Variants in NFASC observed in about 807,000 individuals in gnomAD.
The protein encoded by NFASC is neurofascin homolog.
A neutral mutation model predicts 147.5 loss-of-function variants in NFASC; 43 were observed. The observed-to-expected ratio is 0.29, with a 90% CI of 0.23 to 0.38. The LOEUF (loss-of-function observed/expected upper bound fraction) is 0.38, where lower values mean the gene tolerates loss of function less well. Among genes scored for constraint, NFASC ranks in the 10% least tolerant of loss-of-function variants. The probability of loss-of-function intolerance (pLI) is 1.00; values close to 1 mark genes in which losing one functional copy is unlikely to be tolerated. For missense variants in NFASC, 1,320 were observed against 1,689.0 expected, an observed-to-expected ratio of 0.78 and a Z score of 3.83; for synonymous variants, 622 against 665.5, an observed-to-expected ratio of 0.93 and a Z score of 1.01.
At chr1:204,847,455 C>T (rs2075281124) in intron 1 of NFASC, among the ~76,000 whole-genome samples, 1 of 152,192 alleles carries the variant, frequency 6.6e-6, no homozygotes, top group Non-Finnish European at 1.5e-5. Flanking sequence ...CCATGCCCCT[C>T]CACCTGCCTA....
chr1:204,871,484 A>C (rs1407530258), intron 1 of NFASC, among the ~76,000 whole-genome samples: 1 of 152,154 alleles, frequency 6.6e-6, no homozygotes, highest in Non-Finnish European at 1.5e-5. Context: ...TGTGCGTCTA[A>C]TTGTGAAGCC....
chr1:204,905,639 C>A (rs1299197419), intron 1 of NFASC, among the ~76,000 whole-genome samples: 1 of 152,062 alleles, frequency 6.6e-6, no homozygotes, highest in Non-Finnish European at 1.5e-5. Flanking sequence ...ATTTTGACTT[C>A]TATGTAATAT....
Position 205,009,551 on chromosome 1 carries a change from C to T in NFASC, c.3290-6C>T, listed in dbSNP as rs377485532. The T allele has an allele frequency of 1.6e-4, 266 of 1,613,860 alleles. No homozygotes were observed. Among genetic ancestry groups the T allele is most frequent in the Non-Finnish European group, 2.0e-4 (239 of 1,179,914 alleles). Reference sequence around the variant, plus strand: ...TCACGGGTTTGCTTCCGGCCCTCCCCGCCAGCTTACACCAACAACCAAGCG... The same window carrying T: ...TCACGGGTTTGCTTCCGGCCCTCCCTGCCAGCTTACACCAACAACCAAGCG... On this transcript the variant is annotated splice_polypyrimidine_tract_variant and splice_region_variant and intron_variant, in intron 27 of 29. Coordinates refer to ENST00000339876, the MANE Select transcript of NFASC (RefSeq NM_001005388.3).
At chr1:205,002,091 C>T (rs1450067842) in intron 26 of NFASC, among the ~76,000 whole-genome samples, 1 of 152,192 alleles carries the variant, frequency 6.6e-6, no homozygotes, top group African/African-American at 2.4e-5. Flanking sequence ...ACCCTACAGC[C>T]TACATGCACA....
chr1:204,905,216 C>CA (rs1167797925), intron 1 of NFASC, among the ~76,000 whole-genome samples: 1 of 152,178 alleles, frequency 6.6e-6, no homozygotes, highest in Non-Finnish European at 1.5e-5. Flanking sequence ...TCCTGAGTAG[C>CA]AGGGACTGCA....
chr1:204,871,061 C>T, intron 1 of NFASC: 1 of 1,289,844 alleles, frequency 7.8e-7, no homozygotes, highest in Non-Finnish European at 1.0e-6. Flanking sequence ...ATGGCTCCTT[C>T]AGGAGAGAGG....
chr1:204,854,224 C>T (rs1234677471), intron 1 of NFASC, among the ~76,000 whole-genome samples: 1 of 152,092 alleles, frequency 6.6e-6, no homozygotes, highest in Non-Finnish European at 1.5e-5. Context: ...GAGTTGGGGG[C>T]TGTGTGGGAG....
chr1:204,887,586 C>CTTT (rs200468415), intron 1 of NFASC, among the ~76,000 whole-genome samples: 1,283 of 42,348 alleles, frequency 0.03, 356 homozygotes, highest in East Asian at 0.086. Context: ...GCCTGATTGG[C>CTTT]TTTTTTTTTT....
intron 29 of NFASC, among the ~76,000 whole-genome samples, chr1:205,014,286 C>T (rs1410740816): frequency 6.6e-6 from 1 of 152,224 alleles, no homozygotes; most frequent in African/African-American, 2.4e-5. Flanking sequence ...GGCCTGCACC[C>T]CTACACGCAC....
At chr1:204,937,922 C>G (rs780722544) in intron 2 of NFASC, among the ~76,000 whole-genome samples, 1 of 152,194 alleles carries the variant, frequency 6.6e-6, no homozygotes, top group Non-Finnish European at 1.5e-5. Flanking sequence ...GCCATCCAGT[C>G]GGCTATGTGA....
rs140357522 is a variant in NFASC at position 204,954,350 on chromosome 1, G to A, written c.378G>A (p.Thr126=). 209 of 1,614,170 alleles carry A rather than the reference G, an allele frequency of 1.3e-4. No homozygotes were observed. Among genetic ancestry groups the A allele is most frequent in the South Asian group, 1.8e-4 (16 of 91,078 alleles). Residue 126 remains threonine, a synonymous_variant, in exon 6 of 30, where the codon ACG becomes ACA. Coordinates refer to ENST00000339876, the MANE Select transcript of NFASC (RefSeq NM_001005388.3). The surrounding 1 kb of genome is among the most constrained non-coding windows in gnomAD (Gnocchi z 5.7). Reference sequence around the variant, plus strand: ...GCTTCGCCCGCAACAAATTTGGCACGGCCCTGTCCAATAGGATCCGCCTGC... The same window carrying A: ...GCTTCGCCCGCAACAAATTTGGCACAGCCCTGTCCAATAGGATCCGCCTGC... The part of the protein sequence containing the change: ...YQCFARNKFG[T]ALSNRIRLQV...
intron 11 of NFASC, among the ~76,000 whole-genome samples, 160 bp from the exon 12 acceptor site, chr1:204,973,116 C>G (rs560030525): frequency 5.9e-5 from 9 of 152,374 alleles, no homozygotes; most frequent in Non-Finnish European, 1.2e-4. Flanking sequence ...AGGTCACACA[C>G]AGCCCAGCAG....
At position 204,920,760 on chromosome 1, in the gene NFASC, G is replaced by C. The variant is rs1281499897; in HGVS notation, c.-91+20G>C. On this transcript the variant is annotated intron_variant, in intron 2 of 29. Coordinates refer to ENST00000339876, the MANE Select transcript of NFASC (RefSeq NM_001005388.3). The stretch of plus-strand genomic sequence containing the variant: ...GAGAAGGTAAGCAGGACTTGGGCCT[G>C]GGGTATGTGTCATTGGAGGGGTGAG... The C allele has an allele frequency of 8.4e-7, 1 of 1,186,186 alleles. No individual in the cohort carries two copies. The highest frequency in any genetic ancestry group is 1.3e-5 in the South Asian group (1 of 78,890). The allele number at this position is 1,186,186 out of a possible 1,614,324, so 73.5% of individuals were successfully genotyped here.
chr1:205,011,642 G>A (rs2096255345), intron 28 of NFASC, among the ~76,000 whole-genome samples: 1 of 152,194 alleles, frequency 6.6e-6, no homozygotes, highest in South Asian at 2.1e-4. Context: ...AAAGATGAGT[G>A]AACCAGGAGC....
At chr1:204,962,311 G>A (rs1457240241) in intron 8 of NFASC, among the ~76,000 whole-genome samples, 3 of 152,244 alleles carry the variant, frequency 2.0e-5, no homozygotes, top group Admixed American at 6.5e-5. Context: ...CTGCCAGGAG[G>A]CAGTGTGGGG....
Position 205,019,299 on chromosome 1 carries a change from C to T in NFASC, c.*2760C>T, listed in dbSNP as rs2096384203. 6.6e-6 allele frequency: 1 copy of T among 152,266 alleles called. No individual in the cohort carries two copies. The highest frequency in any genetic ancestry group is 1.9e-4 in the East Asian group (1 of 5,188). The allele number at this position is 152,266 out of a possible 1,614,324, so 9.4% of individuals were successfully genotyped here. A position where few individuals can be genotyped will look rare whatever the true frequency, so the allele number is the denominator to read the frequency against. ...CAGCTGGGTCTCCCAAGCAACTACCCCAAGACATACCAACAGTGAAGCCAG... is the reference window on the plus strand; with the variant it reads ...CAGCTGGGTCTCCCAAGCAACTACCTCAAGACATACCAACAGTGAAGCCAG... On this transcript the variant is annotated 3_prime_UTR_variant, in exon 30 of 30. Coordinates refer to ENST00000339876, the MANE Select transcript of NFASC (RefSeq NM_001005388.3).
chr1:204,873,641 G>A (rs534752695), intron 1 of NFASC, among the ~76,000 whole-genome samples: 42 of 152,174 alleles, frequency 2.8e-4, no homozygotes, highest in African/African-American at 1.0e-3. Flanking sequence ...AAGCATCTGC[G>A]GGTCATGTGT....
chr1:204,878,133 GA>G lies in NFASC; in HGVS notation c.-199-42493del, dbSNP rs577280850. On this transcript the variant is annotated intron_variant, in intron 1 of 29. Coordinates refer to ENST00000339876, the MANE Select transcript of NFASC (RefSeq NM_001005388.3). ...AACAGAACATCTTTGTTTCCTCAAGGAAAAAAGACTAAATTTTATCAAACAT... is the reference window on the plus strand; with the variant it reads ...AACAGAACATCTTTGTTTCCTCAAGGAAAAAGACTAAATTTTATCAAACAT... Among the ~76,000 whole-genome samples, 370 of 152,200 alleles carry G rather than the reference GA, an allele frequency of 2.4e-3. 1 individual carries two copies. Among genetic ancestry groups the G allele is most frequent in the African/African-American group, 8.3e-3 (344 of 41,544 alleles).
chr1:204,859,058 G>A (rs1182962287), intron 1 of NFASC, among the ~76,000 whole-genome samples: 5 of 150,726 alleles, frequency 3.3e-5, no homozygotes, highest in African/African-American at 1.2e-4. Flanking sequence ...GCTCACTGCA[G>A]CCTCTGCCTC....
Sources: allele counts gnomAD v4.1 joint callset (sites outside exome capture counted in the v4.1 genomes callset), GRCh38; gene constraint gnomAD v4.1.1; non-coding constraint Gnocchi (gnomAD v3.1); transcripts MANE v1.5; gene names NCBI Gene and HGNC (gene_info 2026-07-23, HGNC 2026-07-21).